OARD1: variants seen among roughly 807,000 people sequenced by gnomAD.
OARD1 encodes the protein O-acyl-ADP-ribose deacylase 1.
OARD1 carries 19 observed loss-of-function variants against 19.7 expected under a neutral mutation model. The ratio of observed to expected loss-of-function variants is 0.96; its 90% CI spans 0.67 to 1.41. The LOEUF (loss-of-function observed/expected upper bound fraction) is 1.41, where lower values mean the gene tolerates loss of function less well. OARD1 is among the 40% of genes most tolerant of loss of function. The pLI is 0.00. For missense variants in OARD1, 190 were observed against 183.8 expected (o/e 1.03, Z -0.20); for synonymous variants, 70 against 61.8 (o/e 1.13, Z -0.62).
intron 1 of OARD1, chr6:41,089,781 TCATGTATAG>T: frequency 1.3e-6 from 2 of 1,566,582 alleles, no homozygotes; most frequent in Admixed American, 3.7e-5. Context: ...GTCAGATATT[TCATGTATAG>T]CATGTATAGT....
chr6:41,091,934 G>A (rs1297396220), intron 1 of OARD1, among the ~76,000 whole-genome samples: 1 of 152,138 alleles, frequency 6.6e-6, no homozygotes, highest in Non-Finnish European at 1.5e-5. Context: ...TGGATAAATA[G>A]TGATTTTATG....
chr6:41,083,000 C>T (rs1277292619), intron 1 of OARD1, among the ~76,000 whole-genome samples: 2 of 152,166 alleles, frequency 1.3e-5, no homozygotes, highest in Non-Finnish European at 2.9e-5. Context: ...ACAGAATGAT[C>T]TGTTAACTAA....
intron 4 of OARD1, 190 bp from the exon 5 acceptor site, chr6:41,069,143 T>C (rs1190907309): frequency 7.3e-6 from 3 of 411,822 alleles, no homozygotes; most frequent in African/African-American, 2.3e-5. Context: ...ATCCACTAAA[T>C]AGAGGCTGAG....
intron 1 of OARD1, among the ~76,000 whole-genome samples, chr6:41,084,376 G>A (rs1039629044): frequency 5.9e-5 from 9 of 152,172 alleles, no homozygotes; most frequent in Non-Finnish European, 1.3e-4. Context: ...AAATTGGACA[G>A]CTCCAGTAAT....
Position 41,070,092 on chromosome 6 carries a change from C to T in OARD1, c.227G>A (p.Arg76Gln), listed in dbSNP as rs572398028. The change falls in exon 4 of 6, where the codon CGA (arginine) becomes CAA (glutamine). Residue 76 changes from arginine to glutamine, a missense_variant. Physicochemically the swap from Arg to Gln is conservative, Grantham distance 43. Coordinates refer to ENST00000424266, the MANE Select transcript of OARD1 (RefSeq NM_001329686.2). ...CCATCTTACCAAGTAATATATATAT[C>T]GCCCATCTCTCTTCAGAACAGCCAC... Reference protein sequence around the residue: ...GEVAVLKRDGRYIYYLITKKR... With the variant: ...GEVAVLKRDGQYIYYLITKKR... 1.1e-5 allele frequency: 17 copies of T among 1,589,170 alleles called. No individual in the cohort carries two copies. The highest frequency in any genetic ancestry group is 1.5e-5 in the Non-Finnish European group (17 of 1,157,890).
At position 41,066,677 on chromosome 6, in the gene OARD1, C is replaced by T. The variant is rs892148159; in HGVS notation, c.*658G>A. Reference sequence around the variant, plus strand: ...ACTTGTCTATTTTTATCTCTTATTTCTCACTTTGCTTCTCCTCCCGCTTGG... The same window carrying T: ...ACTTGTCTATTTTTATCTCTTATTTTTCACTTTGCTTCTCCTCCCGCTTGG... On this transcript the variant is annotated 3_prime_UTR_variant, in exon 6 of 6. Coordinates refer to ENST00000424266, the MANE Select transcript of OARD1 (RefSeq NM_001329686.2). 2 of 152,150 alleles carry T rather than the reference C, an allele frequency of 1.3e-5. No homozygotes were observed. The highest frequency in any genetic ancestry group is 2.9e-5 in the Non-Finnish European group (2 of 68,022). The allele number at this position is 152,150 out of a possible 1,614,324, so 9.4% of individuals were successfully genotyped here. A position where few individuals can be genotyped will look rare whatever the true frequency, so the allele number is the denominator to read the frequency against.
At chr6:41,097,251 A>G in intron 1 of OARD1, 1 of 1,000,108 alleles carries the variant, frequency 1.0e-6, no homozygotes, top group Non-Finnish European at 1.6e-6. Context: ...CCTTTGATTT[A>G]CTTGGTAAAG....
chr6:41,074,358 A>G (rs1414449550), upstream of OARD1, among the ~76,000 whole-genome samples: 2 of 152,236 alleles, frequency 1.3e-5, no homozygotes, highest in African/African-American at 4.8e-5. Flanking sequence ...GGGAGTACGT[A>G]GAGGTCAATA....
At chr6:41,091,828 C>T (rs545682758) in intron 1 of OARD1, 165 of 951,018 alleles carry the variant, frequency 1.7e-4, no homozygotes, top group Non-Finnish European at 2.4e-4. Flanking sequence ...TCTACTTTGA[C>T]AATAACATTA....
At chr6:41,078,923 C>A in intron 1 of OARD1, 1 of 555,200 alleles carries the variant, frequency 1.8e-6, no homozygotes, top group Admixed American at 3.1e-5. Flanking sequence ...TTCTCCTATC[C>A]TGTTTTCTTG....
chr6:41,073,220 C>A (rs964161169), upstream of OARD1: 3 of 151,478 alleles, frequency 2.0e-5, no homozygotes, highest in African/African-American at 4.8e-5. Context: ...CCGAGCCGGG[C>A]GGCCAGCGGC....
upstream of OARD1, among the ~76,000 whole-genome samples, chr6:41,077,459 G>A (rs1488442310): frequency 1.3e-5 from 2 of 152,086 alleles, no homozygotes; most frequent in Non-Finnish European, 2.9e-5. Context: ...GATTACTGAT[G>A]TCTTTTGGAG....
At chr6:41,072,034 G>C (rs1186963473) in intron 1 of OARD1, among the ~76,000 whole-genome samples, 3 of 152,226 alleles carry the variant, frequency 2.0e-5, no homozygotes, top group African/African-American at 7.2e-5. Flanking sequence ...TCCCCAGTGG[G>C]TCTGGCTTAG....
chr6:41,070,791 T>C, intron 3 of OARD1: 1 of 500,020 alleles, frequency 2.0e-6, no homozygotes, highest in Admixed American at 3.8e-5. Context: ...GAAGAAGAGG[T>C]TTCTAAATTC....
rs1582009818 is a variant in OARD1 at position 41,071,895 on chromosome 6, T to C, written c.-41-220A>G. 4 of 483,524 alleles carry C rather than the reference T, an allele frequency of 8.3e-6. No homozygotes were observed. The East Asian group carries it at 1.3e-4, about 16-fold the overall frequency. The allele number at this position is 483,524 out of a possible 1,614,324, so 30.0% of individuals were successfully genotyped here. On this transcript the variant is annotated intron_variant, in intron 1 of 5. Coordinates refer to ENST00000424266, the MANE Select transcript of OARD1 (RefSeq NM_001329686.2). Reference sequence around the variant, plus strand: ...GACCCGCTCTCATTTCGTGCTTTCCTGGAGCGCCCCGCTCCGTCAGCGGAA... The same window carrying C: ...GACCCGCTCTCATTTCGTGCTTTCCCGGAGCGCCCCGCTCCGTCAGCGGAA...
intron 5 of OARD1, 122 bp downstream of exon 5, chr6:41,068,719 T>C (rs941162773): frequency 5.3e-6 from 3 of 562,376 alleles, no homozygotes; most frequent in Admixed American, 3.9e-5. Context: ...TTACAAAATT[T>C]TGACTTTTGT....
upstream of OARD1, chr6:41,072,672 G>A (rs535780508): frequency 1.3e-5 from 2 of 152,602 alleles, no homozygotes; most frequent in East Asian, 3.9e-4. Flanking sequence ...GTGTCCTAGT[G>A]GCCACTTGGA....
chr6:41,080,841 C>G (rs748910311), intron 1 of OARD1: 1 of 1,614,044 alleles, frequency 6.2e-7, no homozygotes, highest in Non-Finnish European at 8.5e-7. Context: ...TGTGCAGTTG[C>G]AGACTGAGGC....
chr6:41,079,026 C>T lies in OARD1; in HGVS notation c.-41-7351G>A, dbSNP rs1337407662. ...TTAGTTTCTTTCCCCACCTTTCTAA[C>T]AGGAGTGTACCTCACAGCCTTCTAG... On this transcript the variant is annotated intron_variant, in intron 1 of 4. Transcript: ENST00000480585. The T allele has an allele frequency of 3.4e-6, 5 of 1,451,778 alleles. No individual in the cohort carries two copies. Among genetic ancestry groups the T allele is most frequent in the African/African-American group, 2.8e-5 (2 of 71,664 alleles). 89.9% of individuals were successfully genotyped at this position (1,451,778 alleles called of 1,614,324 possible).
Sources: allele counts gnomAD v4.1 joint callset (sites outside exome capture counted in the v4.1 genomes callset), GRCh38; gene constraint gnomAD v4.1.1; transcripts MANE v1.5; gene names NCBI Gene and HGNC (gene_info 2026-07-23, HGNC 2026-07-21).